Variants in QKI observed in about 807,000 individuals in gnomAD.
QKI encodes QKI, KH domain containing RNA binding.
A neutral mutation model predicts 39.0 loss-of-function variants in QKI; 10 were observed. The ratio of observed to expected loss-of-function variants is 0.26; its 90% confidence interval spans 0.16 to 0.43. QKI has a LOEUF of 0.43. QKI is among the 20% of genes least tolerant of loss of function. The pLI is 1.00. For missense variants in QKI, 218 were observed against 428.0 expected, an observed-to-expected ratio of 0.51 and a Z score of 4.33; for synonymous variants, 204 against 155.4, an observed-to-expected ratio of 1.31 and a Z score of -2.33.
Position 163,576,430 on chromosome 6 carries a change from C to A in QKI, c.*5720C>A, listed in dbSNP as rs1783977242. 1 of 152,066 alleles carries A rather than the reference C, an allele frequency of 6.6e-6. No individual in the cohort carries two copies. Among genetic ancestry groups the A allele is most frequent in the East Asian group, 1.9e-4 (1 of 5,194 alleles). 9.4% of individuals were successfully genotyped at this position (152,066 alleles called of 1,614,324 possible). ...GTTGCCTCTTCTTGGCAAAAGACAC[C>A]ACATTGTGGGAAGATCTCAGCTTCC... On this transcript the variant is annotated 3_prime_UTR_variant, in exon 8 of 8. Coordinates refer to ENST00000361752, the MANE Select transcript of QKI (RefSeq NM_006775.3).
At chr6:163,434,972 T>A (rs1789137170) in intron 1 of QKI, among the ~76,000 whole-genome samples, 1 of 152,146 alleles carries the variant, frequency 6.6e-6, no homozygotes. Context: ...AATAAACCAT[T>A]AACTTTTAAA....
In QKI at chr6:163,544,837, T is replaced by G. The variant is rs528395159; in HGVS notation, c.546+9712T>G. Reference sequence around the variant, plus strand: ...GTGGGTATTTTGAGGAGAGAACAGTTGTTCAATTCAGGTGAGAAAGAGTAA... The same window carrying G: ...GTGGGTATTTTGAGGAGAGAACAGTGGTTCAATTCAGGTGAGAAAGAGTAA... On this transcript the variant is annotated intron_variant, in intron 4 of 7. Transcript: ENST00000361752. 2.0e-5 allele frequency among the ~76,000 whole-genome samples: 3 copies of G among 152,218 alleles called. No homozygotes were observed. The East Asian group carries it at 5.8e-4, about 29-fold the overall frequency.
At chr6:163,484,750 C>T (rs777664801) in intron 3 of QKI, among the ~76,000 whole-genome samples, 10 of 152,040 alleles carry the variant, frequency 6.6e-5, no homozygotes, top group Non-Finnish European at 1.0e-4. Flanking sequence ...TTTGGTGTGC[C>T]CCAGAACAAT....
intron 3 of QKI, among the ~76,000 whole-genome samples, chr6:163,534,573 T>A (rs548083143): frequency 2.0e-5 from 3 of 152,236 alleles, no homozygotes; most frequent in Non-Finnish European, 4.4e-5. Context: ...CTTGATGACC[T>A]TCTGTTTACT....
chr6:163,456,540 T>C (rs1229261461), intron 2 of QKI, among the ~76,000 whole-genome samples: 3 of 152,208 alleles, frequency 2.0e-5, no homozygotes, highest in African/African-American at 4.8e-5. Context: ...TTTAGTTATA[T>C]GGACAGAATA....
At chr6:163,457,007 G>C (rs1272244869) in intron 2 of QKI, among the ~76,000 whole-genome samples, 1 of 152,160 alleles carries the variant, frequency 6.6e-6, no homozygotes. Flanking sequence ...CAGGACCACT[G>C]TGAGCCTACC....
At chr6:163,522,023 A>G (rs1350115560) in intron 3 of QKI, among the ~76,000 whole-genome samples, 1 of 152,224 alleles carries the variant, frequency 6.6e-6, no homozygotes, top group Non-Finnish European at 1.5e-5. Flanking sequence ...GATACAGGAA[A>G]GAACAGAGAT....
At chr6:163,488,074 TACGAATGCATTTAA>T (rs1483039567) in intron 3 of QKI, among the ~76,000 whole-genome samples, 1 of 152,218 alleles carries the variant, frequency 6.6e-6, no homozygotes, top group East Asian at 1.9e-4. Flanking sequence ...TGGGTATCAC[TACGAATGCATTTAA>T]ACAGTTTTAT....
At chr6:163,420,532 A>G (rs900204054) in intron 1 of QKI, among the ~76,000 whole-genome samples, 3 of 152,110 alleles carry the variant, frequency 2.0e-5, no homozygotes, top group Admixed American at 6.6e-5. Flanking sequence ...GAGTGGGCCT[A>G]TGTTAGGAGG....
intron 3 of QKI, among the ~76,000 whole-genome samples, chr6:163,516,761 G>C (rs969829466): frequency 6.6e-5 from 10 of 152,114 alleles, no homozygotes; most frequent in Non-Finnish European, 1.0e-4. Flanking sequence ...ATACTGAAAT[G>C]AATACTACTT....
chr6:163,519,876 G>A (rs1265509923), intron 3 of QKI, among the ~76,000 whole-genome samples: 1 of 152,020 alleles, frequency 6.6e-6, no homozygotes, highest in African/African-American at 2.4e-5. Flanking sequence ...TTTTAGTGTT[G>A]TGATGAATGG....
intron 4 of QKI, among the ~76,000 whole-genome samples, chr6:163,537,441 A>G (rs778581420): frequency 3.3e-5 from 5 of 152,254 alleles, no homozygotes; most frequent in South Asian, 2.1e-4. Context: ...TTTGACTTCT[A>G]TGAAAATGCA....
chr6:163,487,969 A>T (rs1361671087), intron 3 of QKI, among the ~76,000 whole-genome samples: 1 of 152,030 alleles, frequency 6.6e-6, no homozygotes, highest in Non-Finnish European at 1.5e-5. Context: ...GGCGGAATAA[A>T]TGTTTAATTC....
intron 2 of QKI, among the ~76,000 whole-genome samples, chr6:163,472,675 A>G (rs1019129939): frequency 6.6e-6 from 1 of 152,234 alleles, no homozygotes; most frequent in Non-Finnish European, 1.5e-5. Flanking sequence ...TGGCTATTAC[A>G]TATAACATGT....
intron 3 of QKI, among the ~76,000 whole-genome samples, chr6:163,528,758 A>G (rs1780670303): frequency 6.6e-6 from 1 of 152,164 alleles, no homozygotes; most frequent in Non-Finnish European, 1.5e-5. Flanking sequence ...ATGAATTATA[A>G]AGTTGCTTAG....
chr6:163,552,860 A>G (rs1782331286), intron 4 of QKI, among the ~76,000 whole-genome samples: 1 of 151,942 alleles, frequency 6.6e-6, no homozygotes, highest in South Asian at 2.1e-4. Flanking sequence ...AATATGAATG[A>G]GTTTAATATA....
chr6:163,430,507 GT>G (rs996620779), intron 1 of QKI, among the ~76,000 whole-genome samples: 1 of 151,978 alleles, frequency 6.6e-6, no homozygotes, highest in African/African-American at 2.4e-5. Context: ...ATGTGTTTCA[GT>G]TTTTTTCTGT....
chr6:163,544,926 A>G (rs564909961), intron 4 of QKI, among the ~76,000 whole-genome samples: 36 of 152,272 alleles, frequency 2.4e-4, no homozygotes, highest in African/African-American at 7.2e-4. Context: ...GTATGTAATC[A>G]CACATCAGTA....
chr6:163,437,514 A>C (rs1789407692), intron 1 of QKI, among the ~76,000 whole-genome samples: 1 of 152,186 alleles, frequency 6.6e-6, no homozygotes, highest in African/African-American at 2.4e-5. Flanking sequence ...ATGTAGCCAT[A>C]ATTTAGTTCA....
Sources: allele counts gnomAD v4.1 joint callset (sites outside exome capture counted in the v4.1 genomes callset), GRCh38; gene constraint gnomAD v4.1.1; transcripts MANE v1.5; gene names NCBI Gene and HGNC (gene_info 2026-07-23, HGNC 2026-07-21).